Variants in ADK observed in about 807,000 individuals in gnomAD.
The protein encoded by ADK is adenosine kinase.
ADK carries 24 observed loss-of-function variants against 44.7 expected under a neutral mutation model. That is an observed-to-expected ratio of 0.54 (90% CI 0.39 to 0.76). The LOEUF (loss-of-function observed/expected upper bound fraction) is 0.76. Among genes scored for constraint, ADK ranks in the 30% least tolerant of loss-of-function variants. The pLI is 0.00. For missense variants in ADK, 321 were observed against 425.1 expected, an observed-to-expected ratio of 0.76 and a Z score of 2.15; for synonymous variants, 128 against 142.6, an observed-to-expected ratio of 0.90 and a Z score of 0.73.
intron 3 of ADK, among the ~76,000 whole-genome samples, chr10:74,232,695 A>G (rs7914783): frequency 0.74 from 111,691 of 151,866 alleles, 41,761 homozygotes; most frequent in Middle Eastern, 0.85. Context: ...GCACAATCTT[A>G]GCTCACTGCA....
chr10:74,257,604 TTCTA>T (rs1369876725), intron 3 of ADK, among the ~76,000 whole-genome samples: 10 of 152,304 alleles, frequency 6.6e-5, no homozygotes, highest in East Asian at 1.9e-4. Context: ...ACTTTAGTCT[TTCTA>T]TATGACATTC....
intron 3 of ADK, among the ~76,000 whole-genome samples, chr10:74,232,809 A>G (rs1440715258): frequency 3.9e-5 from 6 of 152,092 alleles, no homozygotes; most frequent in African/African-American, 1.4e-4. Context: ...TATTTTTAGT[A>G]GAGGCAGGGT....
intron 4 of ADK, among the ~76,000 whole-genome samples, chr10:74,385,369 G>A (rs1323711199): frequency 1.3e-5 from 2 of 151,754 alleles, no homozygotes; most frequent in Non-Finnish European, 2.9e-5. Flanking sequence ...AAAAATGAGG[G>A]GGTCTCAGCA....
chr10:74,168,509 A>G (rs1349496380), intron 1 of ADK, among the ~76,000 whole-genome samples: 6 of 142,394 alleles, frequency 4.2e-5, no homozygotes, highest in Admixed American at 3.6e-4. Context: ...ACTGCACTCC[A>G]GCCTGGGCGA....
intron 4 of ADK, among the ~76,000 whole-genome samples, chr10:74,350,369 G>A (rs1841923669): frequency 6.6e-6 from 1 of 152,140 alleles, no homozygotes; most frequent in African/African-American, 2.4e-5. Context: ...TGAAACCAAT[G>A]AGAACAAAGA....
chr10:74,215,700 C>A (rs1323941741), intron 2 of ADK, among the ~76,000 whole-genome samples: 1 of 138,204 alleles, frequency 7.2e-6, no homozygotes, highest in Non-Finnish European at 1.5e-5. Flanking sequence ...GAGTCTTGCT[C>A]TGTCACCCAG....
chr10:74,536,565 T>C (rs1398260323), intron 7 of ADK, among the ~76,000 whole-genome samples: 1 of 151,800 alleles, frequency 6.6e-6, no homozygotes, highest in African/African-American at 2.4e-5. Flanking sequence ...ACATTTGCAA[T>C]GTTGTACAGC....
intron 6 of ADK, among the ~76,000 whole-genome samples, chr10:74,426,935 T>G (rs7069107): frequency 0.6 from 90,418 of 151,876 alleles, 29,742 homozygotes; most frequent in Middle Eastern, 0.77. Flanking sequence ...ATGCTATCCC[T>G]CCCCTAACCC....
intron 6 of ADK, among the ~76,000 whole-genome samples, chr10:74,413,977 G>A (rs1413655992): frequency 6.6e-6 from 1 of 152,186 alleles, no homozygotes; most frequent in Non-Finnish European, 1.5e-5. Flanking sequence ...AGCTGGTAGA[G>A]CAGTGAAAAC....
chr10:74,459,195 C>T (rs1211255561), intron 6 of ADK, among the ~76,000 whole-genome samples: 5 of 151,228 alleles, frequency 3.3e-5, no homozygotes, highest in Non-Finnish European at 5.9e-5. Flanking sequence ...CAGGGAGAAT[C>T]GCTTGAACCC....
chr10:74,629,441 C>A (rs747333556), intron 9 of ADK, among the ~76,000 whole-genome samples: 1 of 152,164 alleles, frequency 6.6e-6, no homozygotes, highest in Non-Finnish European at 1.5e-5. Flanking sequence ...GAGGAGCTCA[C>A]GCAAGCAAAA....
At chr10:74,446,621 A>C (rs1050958145) in intron 6 of ADK, among the ~76,000 whole-genome samples, 1 of 152,160 alleles carries the variant, frequency 6.6e-6, no homozygotes, top group African/African-American at 2.4e-5. Context: ...GGATAATTGT[A>C]CATTTGATTT....
At chr10:74,549,873 T>C (rs1255484711) in intron 7 of ADK, among the ~76,000 whole-genome samples, 1 of 152,192 alleles carries the variant, frequency 6.6e-6, no homozygotes, top group East Asian at 1.9e-4. Context: ...TTTTAATAGC[T>C]ATAGATATGC....
intron 6 of ADK, among the ~76,000 whole-genome samples, chr10:74,473,405 T>G (rs932813088): frequency 1.3e-5 from 2 of 152,226 alleles, no homozygotes; most frequent in African/African-American, 4.8e-5. Context: ...ACAATACCAT[T>G]AACTAAACTA....
rs1056037140 is a variant in ADK, at chr10:74,543,505, G to T, written c.726+18079G>T. On this transcript the variant is annotated intron_variant, in intron 7 of 10. Transcript: ENST00000539909. ...CTTGTTCATACATATTTCTTGGGTTGCTAGAGGTATTTCTTCAGAGTAAAT... is the reference window on the plus strand; with the variant it reads ...CTTGTTCATACATATTTCTTGGGTTTCTAGAGGTATTTCTTCAGAGTAAAT... Among the ~76,000 whole-genome samples the T allele has an allele frequency of 2.6e-5, 4 of 152,182 alleles. No homozygotes were observed. The South Asian group carries it at 8.3e-4, about 31-fold the overall frequency.
At chr10:74,160,668 TGTGTGCGTGCATGCAGGTAGGG>T (rs1159832372) in intron 1 of ADK, among the ~76,000 whole-genome samples, 1 of 151,150 alleles carries the variant, frequency 6.6e-6, no homozygotes, top group East Asian at 1.9e-4. Flanking sequence ...CAGGTAGGGG[TGTGTGCGTGCATGCAGGTAGGG>T]GTGTGTGTGT....
At chr10:74,211,848 T>A (rs1278355112) in intron 2 of ADK, among the ~76,000 whole-genome samples, 1 of 152,208 alleles carries the variant, frequency 6.6e-6, no homozygotes, top group Non-Finnish European at 1.5e-5. Context: ...TTTTTATATG[T>A]TTATATTTTT....
chr10:74,431,893 T>C (rs1845013471), intron 6 of ADK, among the ~76,000 whole-genome samples: 1 of 152,184 alleles, frequency 6.6e-6, no homozygotes, highest in African/African-American at 2.4e-5. Flanking sequence ...TTCTGAGCTC[T>C]TCTTTAATAA....
intron 1 of ADK, chr10:74,176,445 G>T: frequency 7.5e-6 from 8 of 1,073,084 alleles, no homozygotes; most frequent in Non-Finnish European, 6.8e-6. Context: ...AGCTTGCCGA[G>T]GTAGACAGTG....
Sources: gnomAD v4.1 joint callset for allele counts (sites outside exome capture counted in the v4.1 genomes callset) on GRCh38, gnomAD v4.1.1 for gene constraint, MANE v1.5 for transcripts, NCBI Gene and HGNC (gene_info 2026-07-23, HGNC 2026-07-21) for gene names.